RARA: variants seen among roughly 807,000 people sequenced by gnomAD.
RARA encodes the protein PML-DDX5-RARA fusion.
In RARA, 5 loss-of-function variants were observed where a neutral mutation model predicts 42.8. The ratio of observed to expected loss-of-function variants is 0.12; its 90% CI spans 0.06 to 0.25. The LOEUF (loss-of-function observed/expected upper bound fraction) is 0.25, where lower values mean the gene tolerates loss of function less well. Ranked by LOEUF, RARA falls within the 10% of genes least tolerant of loss-of-function variation. The pLI is 1.00. For synonymous variants in RARA, 256 were observed against 259.5 expected, an observed-to-expected ratio of 0.99 and a Z score of 0.13; for missense variants, 402 against 628.7, an observed-to-expected ratio of 0.64 and a Z score of 3.86.
At chr17:40,347,996 T>A in intron 2 of RARA, 2 of 245,602 alleles carry the variant, frequency 8.1e-6, no homozygotes, top group Non-Finnish European at 1.6e-5. Context: ...GCAAGAGCTT[T>A]AGAATCAGGG....
chr17:40,332,945 TAG>T (rs996825979), intron 2 of RARA, among the ~76,000 whole-genome samples: 2 of 152,266 alleles, frequency 1.3e-5, no homozygotes, highest in African/African-American at 4.8e-5. Context: ...TGTATCTTTG[TAG>T]AATATTCACT....
intron 1 of RARA, among the ~76,000 whole-genome samples, chr17:40,310,361 T>A (rs1438095950): frequency 6.7e-6 from 1 of 150,088 alleles, no homozygotes. Context: ...TTACCATGTG[T>A]GAGTGTGTGT....
In RARA at chr17:40,352,632, A is replaced by G. The variant is rs1450081266; in HGVS notation, c.807+125A>G. 2 of 902,758 alleles carry G rather than the reference A, an allele frequency of 2.2e-6. No individual in the cohort carries two copies. The highest frequency in any genetic ancestry group is 1.7e-5 in the African/African-American group (1 of 58,640). 55.9% of individuals were successfully genotyped at this position (902,758 alleles called of 1,614,324 possible). A position where few individuals can be genotyped will look rare whatever the true frequency, so the allele number is the denominator to read the frequency against. On this transcript the variant is annotated intron_variant, in intron 6 of 8. Coordinates refer to ENST00000254066, the MANE Select transcript of RARA (RefSeq NM_000964.4). This position sits in a 1 kb window ranked among gnomAD's most constrained non-coding sequence, Gnocchi z 4.9. ...ACCTGTCCAAATGCCCACCGCCCAA[A>G]TGTCTGCCCTTCCTCTCCCCATATG...
chr17:40,328,839 C>T (rs575546115), intron 1 of RARA, among the ~76,000 whole-genome samples: 17 of 152,274 alleles, frequency 1.1e-4, no homozygotes, highest in African/African-American at 3.9e-4. Flanking sequence ...GTTGATTCCA[C>T]TTTTTGACTA....
intron 2 of RARA, chr17:40,341,407 G>T: frequency 6.6e-7 from 1 of 1,503,958 alleles, no homozygotes; most frequent in Non-Finnish European, 8.9e-7. Flanking sequence ...CACAGACAAT[G>T]ACACAAGCCG....
At position 40,351,427 on chromosome 17, in the gene RARA, G is replaced by C. The variant is rs1408139660; in HGVS notation, c.470-483G>C. On this transcript the variant is annotated intron_variant, in intron 4 of 8. Transcript: ENST00000254066. The surrounding 1 kb of genome is among the most constrained non-coding windows in gnomAD (Gnocchi z 4.1). ...ATGGGCCAAGAGATTCTCCCCGCCA[G>C]GTCCCCCACTCTCAGGCTGGGGAGC... The C allele has an allele frequency of 2.2e-6, 1 of 464,114 alleles. No homozygotes were observed. The highest frequency in any genetic ancestry group is 7.1e-5 in the East Asian group (1 of 14,144). 28.7% of individuals were successfully genotyped at this position (464,114 alleles called of 1,614,324 possible).
chr17:40,319,934 A>G (rs1437679619), intron 1 of RARA, among the ~76,000 whole-genome samples: 1 of 152,154 alleles, frequency 6.6e-6, no homozygotes, highest in African/African-American at 2.4e-5. Context: ...TTGTGGAGTC[A>G]GGGAGTTTGT....
At chr17:40,315,121 T>TAA (rs2033170011) in intron 1 of RARA, among the ~76,000 whole-genome samples, 1 of 106,768 alleles carries the variant, frequency 9.4e-6, no homozygotes, top group African/African-American at 3.9e-5. Context: ...TATATATATA[T>TAA]GCTTATATGT....
chr17:40,325,894 G>A (rs1057074123), intron 1 of RARA, among the ~76,000 whole-genome samples: 33 of 152,202 alleles, frequency 2.2e-4, no homozygotes, highest in Non-Finnish European at 5.9e-5. Flanking sequence ...TCCCGGCTGA[G>A]TTTGGGGTCC....
At chr17:40,337,924 G>A (rs998138753) in intron 2 of RARA, among the ~76,000 whole-genome samples, 51 of 152,274 alleles carry the variant, frequency 3.3e-4, no homozygotes, top group Non-Finnish European at 6.5e-4. Flanking sequence ...CCCAGGCAGA[G>A]GGACAGCCCA....
In RARA at chr17:40,356,690, G is replaced by A. The variant is rs2034643593; in HGVS notation, c.*464G>A. ...GGGACAGGGGCGGGGGGTTCCCCCT[G>A]TACATACCCTGCCATACCAACCCCA... On this transcript the variant is annotated 3_prime_UTR_variant, in exon 9 of 9. Coordinates refer to ENST00000254066, the MANE Select transcript of RARA (RefSeq NM_000964.4). The A allele has an allele frequency of 3.7e-6, 2 of 541,752 alleles. No homozygotes were observed. Among genetic ancestry groups the A allele is most frequent in the Non-Finnish European group, 7.1e-6 (2 of 281,950 alleles). 33.6% of individuals were successfully genotyped at this position (541,752 alleles called of 1,614,324 possible).
chr17:40,341,710 G>GT, intron 2 of RARA: 1 of 1,327,598 alleles, frequency 7.5e-7, no homozygotes, highest in Non-Finnish European at 9.6e-7. Context: ...CCTGGGTGGG[G>GT]GTGTGTGTTA....
intron 2 of RARA, among the ~76,000 whole-genome samples, chr17:40,335,202 T>C (rs1567753324): frequency 1.3e-5 from 2 of 151,956 alleles, no homozygotes; most frequent in Non-Finnish European, 2.9e-5. Context: ...TGTCTGTGTG[T>C]TGGTGTTGGG....
chr17:40,327,699 C>T (rs776076586), intron 1 of RARA, among the ~76,000 whole-genome samples: 1 of 152,196 alleles, frequency 6.6e-6, no homozygotes, highest in Non-Finnish European at 1.5e-5. Flanking sequence ...GCTGGGGCTG[C>T]AGGCGTGCTC....
chr17:40,355,230 C>T lies in RARA; in HGVS notation c.1013-33C>T, dbSNP rs780274933. The T allele has an allele frequency of 1.9e-6, 3 of 1,542,216 alleles. No homozygotes were observed. The highest frequency in any genetic ancestry group is 2.6e-6 in the Non-Finnish European group (3 of 1,140,726). On this transcript the variant is annotated intron_variant, in intron 7 of 8. Transcript: ENST00000254066. The surrounding 1 kb of genome is among the most constrained non-coding windows in gnomAD (Gnocchi z 4.1). ...CGAGGCTGGGGGTGCAGCTGTGTTCCCAGCTGCTCAGGGGGTGGTTCTGCT... is the reference window on the plus strand; with the variant it reads ...CGAGGCTGGGGGTGCAGCTGTGTTCTCAGCTGCTCAGGGGGTGGTTCTGCT...
intron 1 of RARA, among the ~76,000 whole-genome samples, chr17:40,321,645 T>C (rs971770590): frequency 6.6e-6 from 1 of 152,164 alleles, no homozygotes; most frequent in African/African-American, 2.4e-5. Context: ...CTTAACATCC[T>C]GCCCCAAAGG....
chr17:40,350,058 G>T, intron 4 of RARA, 133 bp downstream of exon 4: 2 of 1,358,740 alleles, frequency 1.5e-6, no homozygotes, highest in Non-Finnish European at 9.9e-7. Flanking sequence ...GCGGGCTCAC[G>T]GTTGAGGATG....
Position 40,322,384 on chromosome 17 carries a change from C to A in RARA, c.-362-8473C>A, listed in dbSNP as rs944221692. On this transcript the variant is annotated intron_variant, in intron 1 of 8. Coordinates refer to ENST00000254066, the MANE Select transcript of RARA (RefSeq NM_000964.4). The stretch of plus-strand genomic sequence containing the variant: ...CGGAGATGAACCTGGAGGCTCAGGA[C>A]AGGGCAAGAGTGGGGCACGCCGGGG... Among the ~76,000 whole-genome samples the A allele has an allele frequency of 2.0e-5, 3 of 152,150 alleles. No homozygotes were observed. In the East Asian group the frequency reaches 5.8e-4, roughly 29 times the overall value.
At chr17:40,317,382 C>T (rs1372113131) in intron 1 of RARA, among the ~76,000 whole-genome samples, 3 of 152,016 alleles carry the variant, frequency 2.0e-5, no homozygotes, top group Non-Finnish European at 4.4e-5. Context: ...GGAGGGGGGT[C>T]ATGACTGTAT....
Sources: gnomAD v4.1 joint callset for allele counts (sites outside exome capture counted in the v4.1 genomes callset) on GRCh38, gnomAD v4.1.1 for gene constraint, Gnocchi (gnomAD v3.1) non-coding constraint, MANE v1.5 for transcripts, NCBI Gene and HGNC (gene_info 2026-07-23, HGNC 2026-07-21) for gene names.